The following TUBG2 variants were observed in gnomAD, a reference collection of about 807,000 sequenced individuals.
TUBG2 encodes tubulin gamma-2 chain.
In TUBG2, 39 loss-of-function variants were observed where a neutral mutation model predicts 55.1. The observed-to-expected ratio is 0.71, with a 90% CI of 0.55 to 0.93. The LOEUF (loss-of-function observed/expected upper bound fraction) is 0.93. Among genes scored for constraint, TUBG2 ranks in the 40% least tolerant of loss-of-function variants. TUBG2 has a pLI of 0.00. For synonymous variants in TUBG2, 223 were observed against 241.0 expected, an observed-to-expected ratio of 0.93 and a Z score of 0.69; for missense variants, 358 against 599.1, an observed-to-expected ratio of 0.60 and a Z score of 4.20.
In TUBG2 at chr17:42,665,773, C is replaced by G. The variant is rs1291620947; in HGVS notation, c.789C>G (p.Thr263=). ...GCCTCATCGCCTCGCTCATTCCCACCCCACGGCTCCACTTCCTCATGACCG... is the reference window on the plus strand; with the variant it reads ...GCCTCATCGCCTCGCTCATTCCCACGCCACGGCTCCACTTCCTCATGACCG... ...LIGLIASLIP[T]PRLHFLMTGY... The change falls in exon 8 of 11, where the codon ACC becomes ACG. Residue 263 remains threonine (T), a synonymous_variant. Coordinates refer to ENST00000251412, the MANE Select transcript of TUBG2 (RefSeq NM_016437.3). 15 of 1,614,090 alleles carry G rather than the reference C, an allele frequency of 9.3e-6. No individual in the cohort carries two copies. The highest frequency in any genetic ancestry group is 1.3e-5 in the Non-Finnish European group (15 of 1,180,032).
In TUBG2 at chr17:42,659,704, C is replaced by T. The variant is rs112977758; in HGVS notation, c.50-130C>T. 346 of 1,388,102 alleles carry T rather than the reference C, an allele frequency of 2.5e-4. 2 individuals carry two copies. In the African/African-American group the frequency reaches 4.4e-3, roughly 18 times the overall value. The allele number at this position is 1,388,102 out of a possible 1,614,324, so 86.0% of individuals were successfully genotyped here. On this transcript the variant is annotated intron_variant, in intron 1 of 10. Coordinates refer to ENST00000251412, the MANE Select transcript of TUBG2 (RefSeq NM_016437.3). Reference sequence around the variant, plus strand: ...CAGACCGAGAGCTGCGCCTCCAGCCCGGGGCTGGGGCAGCTACCAAACCCA... The same window carrying T: ...CAGACCGAGAGCTGCGCCTCCAGCCTGGGGCTGGGGCAGCTACCAAACCCA...
At position 42,666,370 on chromosome 17, in the gene TUBG2, C is replaced by A. The variant is rs374440013; in HGVS notation, c.1044C>A (p.Phe348Leu). The stretch of plus-strand genomic sequence containing the variant: ...TCCGGGAACGGAAGTTGGCCAACTT[C>A]ATCCCGTGGGGCCCCGCCAGCATCC... ...QRIRERKLAN[F>L]IPWGPASIQV... The change falls in exon 10 of 11, where the codon TTC becomes TTA. Residue 348 changes from phenylalanine (F) to leucine (L), a missense_variant. Phe to Leu is a conservative substitution (Grantham distance 22, BLOSUM62 0). This residue lies in a region of TUBG2 where 129 missense variants were observed against 251.6 expected (regional missense o/e 0.51). Transcript: ENST00000251412. 6.2e-7 allele frequency: 1 copy of A among 1,614,136 alleles called. No homozygotes were observed. Among genetic ancestry groups the A allele is most frequent in the Non-Finnish European group, 8.5e-7 (1 of 1,180,048 alleles).
rs1203937610 is a variant in TUBG2 at position 42,666,948 on chromosome 17, C to G, written c.*148C>G. 1 of 761,512 alleles carries G rather than the reference C, an allele frequency of 1.3e-6. No homozygotes were observed. The allele number at this position is 761,512 out of a possible 1,614,324, so 47.2% of individuals were successfully genotyped here. A position where few individuals can be genotyped will look rare whatever the true frequency, so the allele number is the denominator to read the frequency against. On this transcript the variant is annotated 3_prime_UTR_variant, in exon 11 of 11. Transcript: ENST00000251412. ...GGTCCTGCTTCCTCCCTTCCATGCCCTAACTTTTAATATGCTTGTTCAGCT... is the reference window on the plus strand; with the variant it reads ...GGTCCTGCTTCCTCCCTTCCATGCCGTAACTTTTAATATGCTTGTTCAGCT...
Position 42,659,329 on chromosome 17 carries a change from C to T in TUBG2, c.-175C>T, listed in dbSNP as rs147092965. On this transcript the variant is annotated 5_prime_UTR_variant, in exon 1 of 11. Transcript: ENST00000251412. ...GGGAGAAAATGATGCCCAGGTTGGG[C>T]TCCCCGGCCCACCGGCCGAGGAGAG... The T allele has an allele frequency of 1.5e-4, 87 of 598,952 alleles. No homozygotes were observed. The highest frequency in any genetic ancestry group is 1.2e-3 in the African/African-American group (59 of 50,978). 37.1% of individuals were successfully genotyped at this position (598,952 alleles called of 1,614,324 possible).
Position 42,666,785 on chromosome 17 carries a change from C to T in TUBG2, c.1341C>T (p.Gly447=). The T allele has an allele frequency of 6.2e-7, 1 of 1,614,050 alleles. No homozygotes were observed. The highest frequency in any genetic ancestry group is 1.1e-5 in the South Asian group (1 of 91,070). ...AATQPDYISW[G]TQEQ Reference sequence around the variant, plus strand: ...CCCAGCCAGACTACATTTCCTGGGGCACCCAGGAGCAGTGATTTCCCTCCC... The same window carrying T: ...CCCAGCCAGACTACATTTCCTGGGGTACCCAGGAGCAGTGATTTCCCTCCC... The change falls in exon 11 of 11, where the codon GGC becomes GGT. Residue 447 remains glycine (G), a synonymous_variant. Coordinates refer to ENST00000251412, the MANE Select transcript of TUBG2 (RefSeq NM_016437.3).
chr17:42,659,645 C>A, intron 1 of TUBG2, 93 bp downstream of exon 1: 1 of 1,411,802 alleles, frequency 7.1e-7, no homozygotes, highest in Non-Finnish European at 9.6e-7. Flanking sequence ...CCTTTCCCTT[C>A]CATGAACCCC....
rs1167625129 is a variant in TUBG2, at chr17:42,660,199, C to G, written c.213C>G (p.Pro71=). 6.2e-7 allele frequency: 1 copy of G among 1,611,662 alleles called. No homozygotes were observed. ...IPRAVLLDLE[P]RVIHSILNSP... ...GGGCCGTGCTGCTGGACTTGGAACCCCGGGTGATCCACTCCATCCTCAACT... is the reference window on the plus strand; with the variant it reads ...GGGCCGTGCTGCTGGACTTGGAACCGCGGGTGATCCACTCCATCCTCAACT... Residue 71 remains proline, a synonymous_variant, in exon 3 of 11, where the codon CCC becomes CCG. Coordinates refer to ENST00000251412, the MANE Select transcript of TUBG2 (RefSeq NM_016437.3).
rs1422246228 is a variant in TUBG2 at position 42,666,775 on chromosome 17, T to C, written c.1331T>C (p.Ile444Thr). Residue 444 changes from isoleucine to threonine, a missense_variant, in exon 11 of 11, where the codon ATT becomes ACT. Ile to Thr is a moderately conservative substitution (Grantham distance 89). Around this residue, in one of 8 missense-constraint regions of TUBG2, gnomAD observed 54 missense variants for 50.2 expected, o/e 1.08. Transcript: ENST00000251412. The stretch of plus-strand genomic sequence containing the variant: ...CATGCGGCCACCCAGCCAGACTACA[T>C]TTCCTGGGGCACCCAGGAGCAGTGA... ...EYHAATQPDY[I>T]SWGTQEQ 1.9e-6 allele frequency: 3 copies of C among 1,614,084 alleles called. No homozygotes were observed. Among genetic ancestry groups the C allele is most frequent in the Non-Finnish European group, 2.5e-6 (3 of 1,179,988 alleles).
At chr17:42,662,376 C>T (rs1261540199) in intron 4 of TUBG2, among the ~76,000 whole-genome samples, 1 of 151,976 alleles carries the variant, frequency 6.6e-6, no homozygotes, top group South Asian at 2.1e-4. Flanking sequence ...CAGGCCGAGG[C>T]GGGCAGATCA....
At position 42,665,510 on chromosome 17, in the gene TUBG2, C is replaced by T; in HGVS notation, c.641C>T (p.Ala214Val). ...GACAACACAGCCCTGAACCGGATTG[C>T]CACAGACCGCCTGCACATCCAGAAC... is the stretch of plus-strand genomic sequence containing the variant. ...VLDNTALNRI[A>V]TDRLHIQNPS... The change falls in exon 7 of 11, where the codon GCC (alanine) becomes GTC (valine). Residue 214 changes from alanine (A) to valine (V), a missense_variant. Physicochemically the swap from Ala to Val is moderately conservative, Grantham distance 64 (BLOSUM62 0). Around this residue, in one of 8 missense-constraint regions of TUBG2, gnomAD observed 52 missense variants for 53.8 expected, o/e 0.97. Coordinates refer to ENST00000251412, the MANE Select transcript of TUBG2 (RefSeq NM_016437.3). 6.2e-7 allele frequency: 1 copy of T among 1,614,174 alleles called. No homozygotes were observed. The highest frequency in any genetic ancestry group is 8.5e-7 in the Non-Finnish European group (1 of 1,180,028).
chr17:42,662,451 A>G (rs1267701650), intron 4 of TUBG2, among the ~76,000 whole-genome samples: 1 of 151,820 alleles, frequency 6.6e-6, no homozygotes, highest in Non-Finnish European at 1.5e-5. Flanking sequence ...ACGAAAAATA[A>G]AAAAATTAGC....
chr17:42,663,473 C>T lies in TUBG2; in HGVS notation c.576C>T (p.Leu192=). The part of the protein sequence containing the change: ...VVQPYNSLLT[L]KRLTQNADCV... Reference sequence around the variant, plus strand: ...AGCCCTACAATTCACTCCTGACACTCAAGAGGCTGACGCAGAACGCAGATT... The same window carrying T: ...AGCCCTACAATTCACTCCTGACACTTAAGAGGCTGACGCAGAACGCAGATT... The change falls in exon 6 of 11, where the codon CTC becomes CTT. Residue 192 remains leucine, a synonymous_variant. Coordinates refer to ENST00000251412, the MANE Select transcript of TUBG2 (RefSeq NM_016437.3). 7.4e-6 allele frequency: 12 copies of T among 1,614,086 alleles called. No individual in the cohort carries two copies. Among genetic ancestry groups the T allele is most frequent in the Non-Finnish European group, 1.0e-5 (12 of 1,179,994 alleles).
rs1555636268 is a variant in TUBG2, at chr17:42,666,818, C to G, written c.*18C>G. The G allele has an allele frequency of 6.2e-7, 1 of 1,613,568 alleles. No individual in the cohort carries two copies. The highest frequency in any genetic ancestry group is 1.1e-5 in the South Asian group (1 of 91,036). ...AGCAGTGATTTCCCTCCCCACTACT[C>G]CTTCTCCTTCTAGATGGTAACCACA... On this transcript the variant is annotated 3_prime_UTR_variant, in exon 11 of 11. Coordinates refer to ENST00000251412, the MANE Select transcript of TUBG2 (RefSeq NM_016437.3).
rs200929911 is a variant in TUBG2, at chr17:42,666,310, A to G, written c.997-13A>G. 13 of 1,614,132 alleles carry G rather than the reference A, an allele frequency of 8.1e-6. No homozygotes were observed. The highest frequency in any genetic ancestry group is 2.2e-5 in the East Asian group (1 of 44,876). The stretch of plus-strand genomic sequence containing the variant: ...AGGAGAGGCCACCTCCACTGCTCCT[A>G]TGCCCACCCCAGGTCCACAAGAGCC... On this transcript the variant is annotated splice_polypyrimidine_tract_variant and intron_variant, in intron 9 of 10. Coordinates refer to ENST00000251412, the MANE Select transcript of TUBG2 (RefSeq NM_016437.3).
rs375307579 is a variant in TUBG2, at chr17:42,665,859, C to T, written c.843+32C>T. On this transcript the variant is annotated intron_variant, in intron 8 of 10. Coordinates refer to ENST00000251412, the MANE Select transcript of TUBG2 (RefSeq NM_016437.3). ...GCAGCCTTCAGTGTCCCAGGCCAGGCTGGCCCTGGGCCCAGCAGGCCCTGC... is the reference window on the plus strand; with the variant it reads ...GCAGCCTTCAGTGTCCCAGGCCAGGTTGGCCCTGGGCCCAGCAGGCCCTGC... 3.0e-5 allele frequency: 48 copies of T among 1,613,732 alleles called. No homozygotes were observed. The African/African-American group carries it at 4.5e-4, about 15-fold the overall frequency.
chr17:42,659,559 A>C lies in TUBG2; in HGVS notation c.49+7A>C. 6.5e-7 allele frequency: 1 copy of C among 1,536,448 alleles called. No homozygotes were observed. The highest frequency in any genetic ancestry group is 8.8e-7 in the Non-Finnish European group (1 of 1,140,494). Reference sequence around the variant, plus strand: ...GGCCAGTGCGGCAACCAGAGTGAGCAAGCGAGCGCCGGCCCCGCCGGTCTC... The same window carrying C: ...GGCCAGTGCGGCAACCAGAGTGAGCCAGCGAGCGCCGGCCCCGCCGGTCTC... On this transcript the variant is annotated splice_region_variant and intron_variant, in intron 1 of 10. Coordinates refer to ENST00000251412, the MANE Select transcript of TUBG2 (RefSeq NM_016437.3).
Position 42,666,738 on chromosome 17 carries a change from A to T in TUBG2, c.1294A>T (p.Ile432Phe), listed in dbSNP as rs1567951856. Residue 432 changes from isoleucine (I) to phenylalanine (F), a missense_variant, in exon 11 of 11, where the codon ATT becomes TTT. Physicochemically the swap from Ile to Phe is conservative, Grantham distance 21 (BLOSUM62 0). Coordinates refer to ENST00000251412, the MANE Select transcript of TUBG2 (RefSeq NM_016437.3). ...DRSREVVQELIDEYHAATQPD... is the reference protein window; with the variant it reads ...DRSREVVQELFDEYHAATQPD... The stretch of plus-strand genomic sequence containing the variant: ...GTCTAGGGAGGTTGTTCAGGAGCTC[A>T]TTGATGAGTACCATGCGGCCACCCA... 5 of 1,613,548 alleles carry T rather than the reference A, an allele frequency of 3.1e-6. No homozygotes were observed. The highest frequency in any genetic ancestry group is 1.3e-5 in the African/African-American group (1 of 74,906).
rs1422246228 is a variant in TUBG2 at position 42,666,775 on chromosome 17, T to A, written c.1331T>A (p.Ile444Asn). The A allele has an allele frequency of 1.9e-6, 3 of 1,614,084 alleles. No homozygotes were observed. In the South Asian group the frequency reaches 3.3e-5, roughly 18 times the overall value. ...CATGCGGCCACCCAGCCAGACTACA[T>A]TTCCTGGGGCACCCAGGAGCAGTGA... ...EYHAATQPDY[I>N]SWGTQEQ The change falls in exon 11 of 11, where the codon ATT becomes AAT. Residue 444 changes from isoleucine (I) to asparagine (N), a missense_variant. Around this residue, in one of 8 missense-constraint regions of TUBG2, gnomAD observed 54 missense variants for 50.2 expected, o/e 1.08. Transcript: ENST00000251412.
In TUBG2 at chr17:42,659,417, CCACGTCCTGCGCTCCT is replaced by C; in HGVS notation, c.-86_-71del. 2.1e-6 allele frequency: 3 copies of C among 1,410,218 alleles called. No homozygotes were observed. Among genetic ancestry groups the C allele is most frequent in the Non-Finnish European group, 1.9e-6 (2 of 1,045,462 alleles). The allele number at this position is 1,410,218 out of a possible 1,614,324, so 87.4% of individuals were successfully genotyped here. A position where few individuals can be genotyped will look rare whatever the true frequency, so the allele number is the denominator to read the frequency against. ...AAGAGGCGAAGAGAGCGCGCGCTCC[CCACGTCCTGCGCTCCT>C]GGCTGCCGGGCATTCGTCTCAGCCG... is the stretch of plus-strand genomic sequence containing the variant. On this transcript the variant is annotated 5_prime_UTR_variant, in exon 1 of 11. It removes the in-frame stop codon of an upstream open reading frame in the 5' UTR. Coordinates refer to ENST00000251412, the MANE Select transcript of TUBG2 (RefSeq NM_016437.3).
Sources: gnomAD v4.1 joint callset for allele counts (sites outside exome capture counted in the v4.1 genomes callset) on GRCh38, gnomAD v4.1.1 for gene constraint, gnomAD v4.1.1 regional missense constraint, MANE v1.5 for transcripts, NCBI Gene and HGNC (gene_info 2026-07-23, HGNC 2026-07-21) for gene names.